Variants in ATG5 observed in about 807,000 individuals in gnomAD.
ATG5 encodes the protein autophagy protein 5.
In ATG5, 14 loss-of-function variants were observed where a neutral mutation model predicts 36.5. The ratio of observed to expected loss-of-function variants is 0.38; its 90% confidence interval spans 0.25 to 0.60. The LOEUF is 0.60. ATG5 is among the 20% of genes least tolerant of loss of function. The probability of loss-of-function intolerance (pLI) is 0.60; values close to 1 mark genes in which losing one functional copy is unlikely to be tolerated. For missense variants in ATG5, 195 were observed against 326.7 expected (o/e 0.60, Z 3.11); for synonymous variants, 95 against 101.5 (o/e 0.94, Z 0.38).
At chr6:106,272,186 C>T (rs1779479145) in intron 5 of ATG5, among the ~76,000 whole-genome samples, 1 of 152,186 alleles carries the variant, frequency 6.6e-6, no homozygotes, top group Non-Finnish European at 1.5e-5. Context: ...GGTATAGACT[C>T]CCACTTGGTC....
intron 5 of ATG5, among the ~76,000 whole-genome samples, chr6:106,275,349 G>C (rs1175722413): frequency 6.6e-6 from 1 of 152,092 alleles, no homozygotes; most frequent in Non-Finnish European, 1.5e-5. Context: ...AAAGTACCAA[G>C]GACTCCAGTA....
intron 6 of ATG5, among the ~76,000 whole-genome samples, chr6:106,235,930 T>C (rs998284449): frequency 2.6e-5 from 4 of 152,200 alleles, no homozygotes; most frequent in East Asian, 1.9e-4. Context: ...CAACAAGATA[T>C]TGGGCATTTC....
chr6:106,220,755 T>C (rs1436001444), intron 6 of ATG5, among the ~76,000 whole-genome samples: 1 of 151,982 alleles, frequency 6.6e-6, no homozygotes, highest in Non-Finnish European at 1.5e-5. Context: ...AAATCACTTA[T>C]GAGAAGAACA....
At chr6:106,253,420 G>C (rs1020576354) in intron 5 of ATG5, among the ~76,000 whole-genome samples, 9 of 152,202 alleles carry the variant, frequency 5.9e-5, no homozygotes, top group African/African-American at 2.2e-4. Flanking sequence ...TGTGGTTTCA[G>C]TGAATCACAA....
chr6:106,246,390 TCTCACACACA>T (rs1312102383), intron 6 of ATG5, among the ~76,000 whole-genome samples: 55 of 113,518 alleles, frequency 4.8e-4, no homozygotes, highest in East Asian at 4.2e-3. Flanking sequence ...TCTCTCTCTC[TCTCACACACA>T]CACACACACA....
intron 7 of ATG5, among the ~76,000 whole-genome samples, chr6:106,193,340 T>C (rs964998048): frequency 3.3e-5 from 5 of 152,206 alleles, no homozygotes; most frequent in Non-Finnish European, 5.9e-5. Flanking sequence ...TCTCTTTCCA[T>C]GTATACATTT....
At chr6:106,246,247 G>C (rs1363058810) in intron 6 of ATG5, among the ~76,000 whole-genome samples, 1 of 152,064 alleles carries the variant, frequency 6.6e-6, no homozygotes, top group Non-Finnish European at 1.5e-5. Context: ...AGATCAAGCA[G>C]GAGGTTCTGC....
At chr6:106,243,556 C>T (rs892602688) in intron 6 of ATG5, among the ~76,000 whole-genome samples, 1 of 146,460 alleles carries the variant, frequency 6.8e-6, no homozygotes, top group South Asian at 2.1e-4. Flanking sequence ...ATAGGCTGGG[C>T]GCAGTGGCTC....
chr6:106,320,975 G>C (rs1206520107), intron 1 of ATG5, among the ~76,000 whole-genome samples: 2 of 152,180 alleles, frequency 1.3e-5, no homozygotes, highest in Non-Finnish European at 2.9e-5. Flanking sequence ...GTGAGAAACA[G>C]ATGAGTCTTT....
intron 7 of ATG5, among the ~76,000 whole-genome samples, chr6:106,197,688 C>T (rs1776252314): frequency 1.3e-5 from 2 of 152,278 alleles, no homozygotes; most frequent in Admixed American, 1.3e-4. Flanking sequence ...GTGACCACCG[C>T]ACACACCAAC....
rs1377186634 is a variant in ATG5, at chr6:106,316,249, A to T, written c.-41T>A. 1 of 1,512,040 alleles carries T rather than the reference A, an allele frequency of 6.6e-7. No homozygotes were observed. The highest frequency in any genetic ancestry group is 1.4e-5 in the African/African-American group (1 of 72,382). 93.7% of individuals were successfully genotyped at this position (1,512,040 alleles called of 1,614,324 possible). A position where few individuals can be genotyped will look rare whatever the true frequency, so the allele number is the denominator to read the frequency against. Reference sequence around the variant, plus strand: ...AGCAGTACATACAGGCTAAATTCTTATTTCAACCAAAGCCAAACTGAAAAT... The same window carrying T: ...AGCAGTACATACAGGCTAAATTCTTTTTTCAACCAAAGCCAAACTGAAAAT... On this transcript the variant is annotated 5_prime_UTR_variant, in exon 2 of 8. Transcript: ENST00000369076.
rs189413314 is a variant in ATG5 at position 106,192,397 on chromosome 6, G to A, written c.692-5721C>T. Among the ~76,000 whole-genome samples, 591 of 152,124 alleles carry A rather than the reference G, an allele frequency of 3.9e-3. 1 individual carries two copies. The highest frequency in any genetic ancestry group is 0.013 in the African/African-American group (538 of 41,530). On this transcript the variant is annotated intron_variant, in intron 7 of 7. Transcript: ENST00000369076. The stretch of plus-strand genomic sequence containing the variant: ...TTTCTCATCCCAATCTGGGTTTTAG[G>A]TCTTATTCAACTAAGCCAATTTCAA...
At chr6:106,295,228 A>G (rs1199590936) in intron 3 of ATG5, among the ~76,000 whole-genome samples, 1 of 152,160 alleles carries the variant, frequency 6.6e-6, no homozygotes, top group Admixed American at 6.5e-5. Context: ...ATTTTTTAGA[A>G]TATCTCTCTT....
intron 7 of ATG5, among the ~76,000 whole-genome samples, chr6:106,197,528 TG>T (rs958426076): frequency 1.8e-5 from 1 of 54,910 alleles, no homozygotes; most frequent in Non-Finnish European, 3.8e-5. Flanking sequence ...TGGGTTGGGG[TG>T]GGGGGGGCGG....
intron 6 of ATG5, among the ~76,000 whole-genome samples, chr6:106,211,295 G>A (rs1776840640): frequency 6.6e-6 from 1 of 152,226 alleles, no homozygotes; most frequent in South Asian, 2.1e-4. Flanking sequence ...ACAATGCACT[G>A]GGTTGTAAAA....
intron 3 of ATG5, among the ~76,000 whole-genome samples, chr6:106,301,312 T>C (rs561068251): frequency 1.3e-5 from 2 of 152,100 alleles, no homozygotes; most frequent in South Asian, 4.1e-4. Flanking sequence ...GTATTGAGTA[T>C]TCATTATAAG....
intron 3 of ATG5, among the ~76,000 whole-genome samples, chr6:106,301,728 G>C (rs987325433): frequency 6.6e-6 from 1 of 151,960 alleles, no homozygotes; most frequent in Non-Finnish European, 1.5e-5. Flanking sequence ...TTGGAATACT[G>C]TAAGTATATA....
chr6:106,211,710 A>G (rs1196617631), intron 6 of ATG5, among the ~76,000 whole-genome samples: 4 of 152,218 alleles, frequency 2.6e-5, no homozygotes, highest in Non-Finnish European at 5.9e-5. Context: ...ACTGCTCAGG[A>G]TCTCCCAAAG....
intron 6 of ATG5, among the ~76,000 whole-genome samples, chr6:106,225,996 C>T (rs910703250): frequency 2.0e-4 from 31 of 152,298 alleles, no homozygotes; most frequent in African/African-American, 4.6e-4. Context: ...GCTGTGTACA[C>T]GCTCAAAAAA....
Sources: allele counts gnomAD v4.1 joint callset (sites outside exome capture counted in the v4.1 genomes callset), GRCh38; gene constraint gnomAD v4.1.1; transcripts MANE v1.5; gene names NCBI Gene and HGNC (gene_info 2026-07-23, HGNC 2026-07-21).